Variants in VCAN observed in about 807,000 individuals in gnomAD.
VCAN encodes the protein versican.
Under a neutral mutation model 245.5 loss-of-function variants are expected in VCAN, and 44 were observed. The observed-to-expected ratio is 0.18, with a 90% CI of 0.14 to 0.23. VCAN has a LOEUF of 0.23. Ranked by LOEUF, VCAN falls within the 10% of genes least tolerant of loss-of-function variation. The probability of loss-of-function intolerance (pLI) is 1.00; values close to 1 mark genes in which losing one functional copy is unlikely to be tolerated. For synonymous variants in VCAN, 1,413 were observed against 1,437.0 expected (o/e 0.98, Z 0.38); for missense variants, 3,793 against 4,057.9 (o/e 0.93, Z 1.77).
chr5:83,498,027 C>T (rs1380080037), intron 5 of VCAN, among the ~76,000 whole-genome samples: 2 of 152,186 alleles, frequency 1.3e-5, no homozygotes, highest in South Asian at 4.1e-4. Context: ...CTTCTCTCCC[C>T]TGTGACATAG....
At chr5:83,559,676 C>G (rs1346353960) in intron 12 of VCAN, among the ~76,000 whole-genome samples, 2 of 152,106 alleles carry the variant, frequency 1.3e-5, no homozygotes, top group African/African-American at 4.8e-5. Flanking sequence ...TTTTTGTCCT[C>G]CACCCATCCT....
intron 6 of VCAN, among the ~76,000 whole-genome samples, chr5:83,515,699 C>A (rs1277041694): frequency 6.6e-6 from 1 of 152,162 alleles, no homozygotes; most frequent in Non-Finnish European, 1.5e-5. Context: ...AGATGGTGGT[C>A]CAGAGAAGGC....
At chr5:83,472,229 T>C (rs1744218825) in intron 1 of VCAN, among the ~76,000 whole-genome samples, 1 of 151,222 alleles carries the variant, frequency 6.6e-6, no homozygotes. Context: ...CAGAGGGACC[T>C]TGGTGTTGAA....
Position 83,520,973 on chromosome 5 carries a change from T to G in VCAN, c.2667T>G (p.Thr889=). ...FTIRFQPTTS[T]GIAEKSTLRD... ...TTAGATTTCAGCCAACTACATCAAC[T>G]GGTATTGCAGAAAAGTCAACTTTGA... The change falls in exon 7 of 15, where the codon ACT becomes ACG. Residue 889 remains threonine (T), a synonymous_variant. Transcript: ENST00000265077. 6.2e-7 allele frequency: 1 copy of G among 1,614,068 alleles called. No individual in the cohort carries two copies. The highest frequency in any genetic ancestry group is 8.5e-7 in the Non-Finnish European group (1 of 1,179,984).
chr5:83,556,759 A>T (rs309588), intron 12 of VCAN, among the ~76,000 whole-genome samples: 122,540 of 152,088 alleles, frequency 0.81, 49,802 homozygotes, highest in African/African-American at 0.88. Flanking sequence ...GATAATTTTG[A>T]TCCTATTAAT....
Position 83,579,993 on chromosome 5 carries a change from G to A in VCAN, c.9894G>A (p.Gln3298=). The part of the protein sequence containing the change: ...TCKKGTVACG[Q]PPVVENAKTF... ...GCTTTCCTTTAGTCGCTTGCGGCCAGCCCCCTGTTGTAGAAAATGCCAAGA... is the reference window on the plus strand; with the variant it reads ...GCTTTCCTTTAGTCGCTTGCGGCCAACCCCCTGTTGTAGAAAATGCCAAGA... The change falls in exon 14 of 15, where the codon CAG becomes CAA. Residue 3298 remains glutamine (Q), a synonymous_variant. Coordinates refer to ENST00000265077, the MANE Select transcript of VCAN (RefSeq NM_004385.5). The A allele has an allele frequency of 6.2e-7, 1 of 1,614,002 alleles. No individual in the cohort carries two copies. Among genetic ancestry groups the A allele is most frequent in the Non-Finnish European group, 8.5e-7 (1 of 1,179,964 alleles).
intron 10 of VCAN, 102 bp downstream of exon 10, chr5:83,548,186 C>T (rs966782753): frequency 4.8e-6 from 4 of 840,880 alleles, no homozygotes; most frequent in Non-Finnish European, 8.1e-6. Flanking sequence ...TTCACATTTC[C>T]TTAGGTTTCC....
chr5:83,569,926 G>A (rs892048478), intron 12 of VCAN, among the ~76,000 whole-genome samples: 2 of 151,822 alleles, frequency 1.3e-5, no homozygotes, highest in African/African-American at 2.4e-5. Context: ...GCAACAGGCA[G>A]AACATGACAT....
chr5:83,495,567 A>G (rs1317538103), intron 5 of VCAN, among the ~76,000 whole-genome samples: 2 of 152,138 alleles, frequency 1.3e-5, no homozygotes, highest in South Asian at 4.1e-4. Context: ...AGAAGAGGAG[A>G]TGGTTGGTAG....
intron 5 of VCAN, among the ~76,000 whole-genome samples, chr5:83,511,879 G>T (rs1745672261): frequency 6.6e-6 from 1 of 152,012 alleles, no homozygotes; most frequent in South Asian, 2.1e-4. Flanking sequence ...ACACATACAC[G>T]TATAGAATAA....
intron 12 of VCAN, among the ~76,000 whole-genome samples, chr5:83,559,990 T>C (rs1303878949): frequency 1.4e-5 from 2 of 146,948 alleles, no homozygotes; most frequent in East Asian, 3.9e-4. Flanking sequence ...AGATGGGTTT[T>C]ACGGTGAAAA....
At chr5:83,473,999 G>A (rs900155143) in intron 1 of VCAN, among the ~76,000 whole-genome samples, 17 of 152,108 alleles carry the variant, frequency 1.1e-4, no homozygotes, top group African/African-American at 4.1e-4. Flanking sequence ...GAACGCACAT[G>A]GCCAGGGTGG....
rs142022565 is a variant in VCAN, at chr5:83,569,144, T to C, written c.9736-3272T>C. Among the ~76,000 whole-genome samples the C allele has an allele frequency of 1.3e-4, 20 of 152,376 alleles. No individual in the cohort carries two copies. The Middle Eastern group carries it at 0.01, about 78-fold the overall frequency. ...CCCTTTACTGCTAATAAACGTAGTA[T>C]TTCATATAAAATGTCATTCACATCT... On this transcript the variant is annotated intron_variant, in intron 12 of 14. Transcript: ENST00000265077.
intron 1 of VCAN, among the ~76,000 whole-genome samples, chr5:83,478,552 T>A (rs1198093450): frequency 2.0e-5 from 3 of 152,188 alleles, no homozygotes; most frequent in Non-Finnish European, 1.5e-5. Context: ...GTGTAAAGGC[T>A]CATCATAGGG....
At chr5:83,498,607 C>T (rs1475013124) in intron 5 of VCAN, among the ~76,000 whole-genome samples, 1 of 152,078 alleles carries the variant, frequency 6.6e-6, no homozygotes, top group Non-Finnish European at 1.5e-5. Flanking sequence ...AACTTGTAAG[C>T]CAAAAGTCTT....
intron 3 of VCAN, among the ~76,000 whole-genome samples, chr5:83,492,331 A>T (rs1243896059): frequency 1.3e-5 from 2 of 152,210 alleles, no homozygotes; most frequent in Admixed American, 6.6e-5. Flanking sequence ...GAAGAGTGGC[A>T]CGTATCTTGG....
chr5:83,474,659 C>T (rs1744320165), intron 1 of VCAN, among the ~76,000 whole-genome samples: 1 of 152,238 alleles, frequency 6.6e-6, no homozygotes, highest in African/African-American at 2.4e-5. Context: ...GCAGTACAGC[C>T]GCACAGGCGG....
intron 13 of VCAN, among the ~76,000 whole-genome samples, chr5:83,577,614 G>A (rs1748530544): frequency 6.6e-6 from 1 of 152,090 alleles, no homozygotes; most frequent in African/African-American, 2.4e-5. Flanking sequence ...AATTTTGGTT[G>A]ACACTATCCT....
At chr5:83,542,773 A>G (rs1388771035) in intron 8 of VCAN, among the ~76,000 whole-genome samples, 1 of 152,172 alleles carries the variant, frequency 6.6e-6, no homozygotes, top group Non-Finnish European at 1.5e-5. Flanking sequence ...ATCAGCTCAT[A>G]CTTATATGCA....
Sources: gnomAD v4.1 joint callset for allele counts (sites outside exome capture counted in the v4.1 genomes callset) on GRCh38, gnomAD v4.1.1 for gene constraint, MANE v1.5 for transcripts, NCBI Gene and HGNC (gene_info 2026-07-23, HGNC 2026-07-21) for gene names.